Variants in PRR5L observed in about 807,000 individuals in gnomAD.
PRR5L encodes the protein proline-rich protein 5-like.
A neutral mutation model predicts 36.4 loss-of-function variants in PRR5L; 21 were observed. The observed-to-expected ratio is 0.58, with a 90% CI of 0.41 to 0.83. The LOEUF (loss-of-function observed/expected upper bound fraction) is 0.83, where lower values mean the gene tolerates loss of function less well. Among genes scored for constraint, PRR5L ranks in the 40% least tolerant of loss-of-function variants. The pLI is 0.00. For missense variants in PRR5L, 381 were observed against 473.3 expected, an observed-to-expected ratio of 0.80 and a Z score of 1.81; for synonymous variants, 188 against 197.0, an observed-to-expected ratio of 0.95 and a Z score of 0.38.
At chr11:36,375,355 T>A (rs1364787876) in intron 1 of PRR5L, among the ~76,000 whole-genome samples, 2 of 152,132 alleles carry the variant, frequency 1.3e-5, no homozygotes, top group Non-Finnish European at 2.9e-5. Flanking sequence ...CTGTTGAGGA[T>A]CTTTTAGCTT....
chr11:36,435,694 A>G (rs754275428), intron 5 of PRR5L, among the ~76,000 whole-genome samples: 1 of 152,140 alleles, frequency 6.6e-6, no homozygotes, highest in Non-Finnish European at 1.5e-5. Context: ...GGCTGTGTAG[A>G]TCATATTACT....
intron 7 of PRR5L, among the ~76,000 whole-genome samples, chr11:36,450,956 A>G (rs1858931726): frequency 6.6e-6 from 1 of 152,216 alleles, no homozygotes; most frequent in African/African-American, 2.4e-5. Flanking sequence ...GAGGTGGGAC[A>G]CCCACACTGC....
intron 1 of PRR5L, among the ~76,000 whole-genome samples, chr11:36,307,573 A>G (rs1267868851): frequency 1.3e-5 from 2 of 152,074 alleles, no homozygotes; most frequent in African/African-American, 4.8e-5. Context: ...CATCTAGAAT[A>G]GCAGAAGGCC....
intron 4 of PRR5L, among the ~76,000 whole-genome samples, chr11:36,430,983 A>G (rs1858481671): frequency 6.6e-6 from 1 of 152,198 alleles, no homozygotes; most frequent in African/African-American, 2.4e-5. Flanking sequence ...TCCCATAATC[A>G]TAGGCCTGGG....
intron 4 of PRR5L, 43 bp from the exon 5 acceptor site, chr11:36,431,810 T>C (rs1010274539): frequency 1.9e-6 from 3 of 1,587,576 alleles, no homozygotes; most frequent in African/African-American, 2.7e-5. Flanking sequence ...ACTTACGCTC[T>C]GGAGTTGTCC....
rs1229942261 is a variant in PRR5L, at chr11:36,406,173, A to C, written c.245+2795A>C. 2.6e-5 allele frequency among the ~76,000 whole-genome samples: 4 copies of C among 151,656 alleles called. No individual in the cohort carries two copies. In the East Asian group the frequency reaches 7.7e-4, roughly 29 times the overall value. On this transcript the variant is annotated intron_variant, in intron 3 of 8. Coordinates refer to ENST00000530639, the MANE Select transcript of PRR5L (RefSeq NM_001160167.2). Reference sequence around the variant, plus strand: ...CCATCTCTTATCACATCCTGTGACTAACACTCATCATGAGGAGCATGACAC... The same window carrying C: ...CCATCTCTTATCACATCCTGTGACTCACACTCATCATGAGGAGCATGACAC...
intron 3 of PRR5L, 36 bp from the exon 4 acceptor site, chr11:36,419,219 C>G (rs1356438830): frequency 6.2e-7 from 1 of 1,600,238 alleles, no homozygotes; most frequent in Non-Finnish European, 8.6e-7. Flanking sequence ...CCATCAAGGG[C>G]TGCTTGACGG....
rs998386008 is a variant in PRR5L at position 36,418,704 on chromosome 11, G to A, written c.246-551G>A. 4.6e-5 allele frequency among the ~76,000 whole-genome samples: 7 copies of A among 152,054 alleles called. No homozygotes were observed. In the East Asian group the frequency reaches 1.4e-3, roughly 29 times the overall value. ...CCAGCTACTCGGGAGGCTGAGGCAG[G>A]AGAATTGCATGAACCCAGGAGGCGG... is the stretch of plus-strand genomic sequence containing the variant. On this transcript the variant is annotated intron_variant, in intron 3 of 8. Transcript: ENST00000530639.
chr11:36,310,995 CAAAAAAAAAAA>C (rs59947428), intron 1 of PRR5L, among the ~76,000 whole-genome samples: 19 of 88,432 alleles, frequency 2.1e-4, no homozygotes, highest in East Asian at 3.4e-4. Context: ...ACTCCGTCTC[CAAAAAAAAAAA>C]AAAAAAAAAA....
chr11:36,437,555 T>C, intron 6 of PRR5L, 79 bp downstream of exon 6: 1 of 836,900 alleles, frequency 1.2e-6, no homozygotes, highest in East Asian at 2.5e-5. Context: ...TGAGGGCTCC[T>C]GGTAAATGGG....
intron 1 of PRR5L, among the ~76,000 whole-genome samples, chr11:36,399,129 A>T (rs1323800317): frequency 1.3e-5 from 2 of 152,100 alleles, no homozygotes; most frequent in African/African-American, 4.8e-5. Flanking sequence ...GTTTGTGTAG[A>T]TCTTTCCACG....
intron 8 of PRR5L, 108 bp downstream of exon 8, chr11:36,451,443 A>T: frequency 1.8e-5 from 24 of 1,357,610 alleles, no homozygotes; most frequent in Non-Finnish European, 2.4e-5. Flanking sequence ...TGTTTAACTG[A>T]GCACAGCCTT....
At chr11:36,432,494 G>T (rs553389011) in intron 5 of PRR5L, among the ~76,000 whole-genome samples, 1 of 152,292 alleles carries the variant, frequency 6.6e-6, no homozygotes, top group Middle Eastern at 3.4e-3. Context: ...GCAAGAATTA[G>T]CCAACCCCAT....
intron 1 of PRR5L, among the ~76,000 whole-genome samples, chr11:36,299,398 C>T (rs1856349088): frequency 6.6e-6 from 1 of 152,106 alleles, no homozygotes; most frequent in African/African-American, 2.4e-5. Flanking sequence ...ATTGCTTTCT[C>T]CAAAATTCCT....
At chr11:36,322,308 G>A (rs1220037818) in intron 1 of PRR5L, among the ~76,000 whole-genome samples, 1 of 151,716 alleles carries the variant, frequency 6.6e-6, no homozygotes, top group African/African-American at 2.4e-5. Context: ...AGTAATTCAG[G>A]GTATCTACTT....
chr11:36,351,161 A>AATATATATTTATAAATATATTTAT (rs1856937487), intron 1 of PRR5L, among the ~76,000 whole-genome samples: 4 of 41,570 alleles, frequency 9.6e-5, no homozygotes, highest in Non-Finnish European at 1.7e-4. Context: ...AATATATATA[A>AATATATATTTATAAATATATTTAT]TTTATATATA....
intron 3 of PRR5L, among the ~76,000 whole-genome samples, chr11:36,412,604 C>T (rs1160574384): frequency 6.6e-6 from 1 of 152,192 alleles, no homozygotes; most frequent in African/African-American, 2.4e-5. Flanking sequence ...ACCACAGCCT[C>T]TTTAATTTGG....
At chr11:36,299,789 T>C (rs1856354944) in intron 1 of PRR5L, among the ~76,000 whole-genome samples, 1 of 152,198 alleles carries the variant, frequency 6.6e-6, no homozygotes, top group Admixed American at 6.5e-5. Context: ...TGGGCCTTCA[T>C]CATCCAGGCT....
At chr11:36,431,686 G>A (rs979283274) in intron 4 of PRR5L, among the ~76,000 whole-genome samples, 167 bp from the exon 5 acceptor site, 2 of 152,048 alleles carry the variant, frequency 1.3e-5, no homozygotes, top group African/African-American at 4.8e-5. Context: ...TGTCTTCTCC[G>A]GAAGCCTTAA....
Sources: gnomAD v4.1 joint callset for allele counts (sites outside exome capture counted in the v4.1 genomes callset) on GRCh38, gnomAD v4.1.1 for gene constraint, MANE v1.5 for transcripts, NCBI Gene and HGNC (gene_info 2026-07-23, HGNC 2026-07-21) for gene names.